MAPKAPK5: variants seen among roughly 807,000 people sequenced by gnomAD.
The protein encoded by MAPKAPK5 is MAPK activated protein kinase 5.
A neutral mutation model predicts 65.1 loss-of-function variants in MAPKAPK5; 30 were observed. That is an observed-to-expected ratio of 0.46 (90% CI 0.34 to 0.63). The LOEUF is 0.63. Ranked by LOEUF, MAPKAPK5 falls within the 20% of genes least tolerant of loss-of-function variation. MAPKAPK5 has a pLI of 0.01. For synonymous variants in MAPKAPK5, 179 were observed against 204.6 expected, an observed-to-expected ratio of 0.87 and a Z score of 1.07; for missense variants, 433 against 581.4, an observed-to-expected ratio of 0.74 and a Z score of 2.63.
rs1325259130 is a variant in MAPKAPK5, at chr12:111,880,369, CATA to C, written c.580-77_580-75del. On this transcript the variant is annotated intron_variant, in intron 7 of 13. Coordinates refer to ENST00000550735, the MANE Select transcript of MAPKAPK5 (RefSeq NM_003668.4). ...GCCAGTTGTTTACCTCCTTCAGTCT[CATA>C]GTAGCCTGTCTCAAGGCAGGTTATC... The C allele has an allele frequency of 1.6e-4, 181 of 1,159,234 alleles. 4 individuals carry two copies. The South Asian group carries it at 2.1e-3, about 13-fold the overall frequency. 71.8% of individuals were successfully genotyped at this position (1,159,234 alleles called of 1,614,324 possible).
In MAPKAPK5 at chr12:111,888,199, A is replaced by G. The variant is rs186728489; in HGVS notation, c.970-289A>G. ...TATGTGCCTCTTTACACTTCCCCTC[A>G]GTAGTGGCTTTGAGTGGGGTTCCTG... On this transcript the variant is annotated intron_variant, in intron 10 of 13. Coordinates refer to ENST00000550735, the MANE Select transcript of MAPKAPK5 (RefSeq NM_003668.4). 3.1e-3 allele frequency: 1,019 copies of G among 331,350 alleles called. 4 individuals carry two copies. Among genetic ancestry groups the G allele is most frequent in the Non-Finnish European group, 4.6e-3 (816 of 175,922 alleles). The allele number at this position is 331,350 out of a possible 1,614,324, so 20.5% of individuals were successfully genotyped here. A position where few individuals can be genotyped will look rare whatever the true frequency, so the allele number is the denominator to read the frequency against.
At chr12:111,880,925 A>G (rs1051879914) in intron 8 of MAPKAPK5, among the ~76,000 whole-genome samples, 1 of 152,192 alleles carries the variant, frequency 6.6e-6, no homozygotes, top group African/African-American at 2.4e-5. Context: ...TTTCTGAGAC[A>G]CAGACGCTAG....
chr12:111,843,015 TGA>T (rs1197181677), intron 1 of MAPKAPK5: 4 of 400,708 alleles, frequency 1.0e-5, no homozygotes, highest in African/African-American at 8.2e-5. Flanking sequence ...GGAACAGAGG[TGA>T]GTGGCCTGGA....
At position 111,870,288 on chromosome 12, in the gene MAPKAPK5, G is replaced by C; in HGVS notation, c.411G>C (p.Arg137=). ...QVTKQIALAL[R]HCHLLNIAHR... ...TTTTTCAGATAGCTTTGGCTCTGCG[G>C]CACTGTCACTTGTTAAACATTGCGC... The change falls in exon 6 of 14, where the codon CGG becomes CGC. Residue 137 remains arginine, a synonymous_variant. Coordinates refer to ENST00000550735, the MANE Select transcript of MAPKAPK5 (RefSeq NM_003668.4). 1 of 1,606,142 alleles carries C rather than the reference G, an allele frequency of 6.2e-7. No individual in the cohort carries two copies. Among genetic ancestry groups the C allele is most frequent in the Non-Finnish European group, 8.5e-7 (1 of 1,173,452 alleles).
intron 13 of MAPKAPK5, among the ~76,000 whole-genome samples, chr12:111,890,884 C>CT (rs2070581466): frequency 1.3e-5 from 2 of 151,826 alleles, no homozygotes; most frequent in African/African-American, 4.8e-5. Context: ...TCTTGAACTC[C>CT]TGGCCTCAAG....
In MAPKAPK5 at chr12:111,870,275, C is replaced by T; in HGVS notation, c.398C>T (p.Ala133Val). 1 of 1,598,826 alleles carries T rather than the reference C, an allele frequency of 6.3e-7. No individual in the cohort carries two copies. ...KQASQVTKQI[A>V]LALRHCHLLN... ...TTTCATTGTGTCTTTTTTCAGATAG[C>T]TTTGGCTCTGCGGCACTGTCACTTG... Residue 133 changes from alanine to valine, a missense_variant, in exon 6 of 14, where the codon GCT (alanine) becomes GTT (valine). By Grantham distance (64) the Ala-to-Val change is moderately conservative. This residue lies in a region of MAPKAPK5 where 165 missense variants were observed against 180.0 expected (regional missense o/e 0.92). Coordinates refer to ENST00000550735, the MANE Select transcript of MAPKAPK5 (RefSeq NM_003668.4).
chr12:111,876,360 C>A (rs2069970690), intron 7 of MAPKAPK5, among the ~76,000 whole-genome samples: 1 of 151,838 alleles, frequency 6.6e-6, no homozygotes, highest in Admixed American at 6.6e-5. Flanking sequence ...TATATAAAAC[C>A]TGGGTGATGA....
intron 3 of MAPKAPK5, 127 bp downstream of exon 3, chr12:111,866,358 T>C (rs2069612496): frequency 1.4e-6 from 1 of 705,368 alleles, no homozygotes; most frequent in South Asian, 1.9e-5. Context: ...ACTTTACCTC[T>C]CTTCCCCATT....
intron 10 of MAPKAPK5, 126 bp from the exon 11 acceptor site, chr12:111,888,362 A>G: frequency 7.5e-7 from 1 of 1,332,456 alleles, no homozygotes; most frequent in Non-Finnish European, 1.0e-6. Context: ...AAATATTTAT[A>G]TTCCTTCAGC....
intron 9 of MAPKAPK5, among the ~76,000 whole-genome samples, chr12:111,884,050 T>C (rs1008055991): frequency 1.3e-5 from 2 of 152,088 alleles, no homozygotes; most frequent in Non-Finnish European, 2.9e-5. Context: ...GACCCTAAAT[T>C]ATAGACCTGG....
At position 111,900,240 on chromosome 12, in the gene MAPKAPK5, C is replaced by T. The variant is rs1212760367; in HGVS notation, c.*7179C>T. ...CGATGTTGCCCACATGATCGTTGGG[C>T]ATCACCCTGGACAGAATATGGGCCA... On this transcript the variant is annotated 3_prime_UTR_variant, in exon 14 of 14. Transcript: ENST00000550735. 2 of 455,858 alleles carry T rather than the reference C, an allele frequency of 4.4e-6. No individual in the cohort carries two copies. Among genetic ancestry groups the T allele is most frequent in the African/African-American group, 2.0e-5 (1 of 50,020 alleles). The allele number at this position is 455,858 out of a possible 1,614,324, so 28.2% of individuals were successfully genotyped here.
At chr12:111,850,927 C>T (rs976104723) in intron 1 of MAPKAPK5, among the ~76,000 whole-genome samples, 1 of 143,990 alleles carries the variant, frequency 6.9e-6, no homozygotes, top group Non-Finnish European at 1.5e-5. Flanking sequence ...TGAGAGGAGT[C>T]TCGCTCTGTG....
intron 1 of MAPKAPK5, among the ~76,000 whole-genome samples, chr12:111,847,171 C>T (rs1266520341): frequency 2.6e-5 from 4 of 151,512 alleles, no homozygotes; most frequent in African/African-American, 9.7e-5. Context: ...GTGAAACCCC[C>T]ATCTCTACTA....
At chr12:111,888,374 TA>T in intron 10 of MAPKAPK5, 113 bp from the exon 11 acceptor site, 1 of 1,396,802 alleles carries the variant, frequency 7.2e-7, no homozygotes, top group Non-Finnish European at 9.7e-7. Flanking sequence ...TCCTTCAGCA[TA>T]AGAGTGAAAT....
At position 111,883,550 on chromosome 12, in the gene MAPKAPK5, T is replaced by C; in HGVS notation, c.661-31T>C. 1.2e-6 allele frequency: 2 copies of C among 1,603,990 alleles called. No individual in the cohort carries two copies. Among genetic ancestry groups the C allele is most frequent in the African/African-American group, 1.3e-5 (1 of 74,742 alleles). On this transcript the variant is annotated intron_variant, in intron 8 of 13. Transcript: ENST00000550735. This position sits in a 1 kb window ranked among gnomAD's most constrained non-coding sequence, Gnocchi z 4.8. ...GTTTATTTGGGGGCTCTGCTTCTGC[T>C]GTGAGTGACCATTTTCTTTTTTGCT...
In MAPKAPK5 at chr12:111,897,907, T is replaced by C. The variant is rs2070875477; in HGVS notation, c.*4846T>C. 1 of 151,600 alleles carries C rather than the reference T, an allele frequency of 6.6e-6. No homozygotes were observed. Among genetic ancestry groups the C allele is most frequent in the Non-Finnish European group, 1.5e-5 (1 of 67,956 alleles). The allele number at this position is 151,600 out of a possible 1,614,324, so 9.4% of individuals were successfully genotyped here. ...GTAAAATTATACAAGATAAAAAATG[T>C]AGAGTTTTATTTTTCTTCATCTAGA... On this transcript the variant is annotated 3_prime_UTR_variant, in exon 14 of 14. Transcript: ENST00000550735.
At chr12:111,843,286 T>C (rs1426796352) in intron 1 of MAPKAPK5, 2 of 398,524 alleles carry the variant, frequency 5.0e-6, no homozygotes, top group Non-Finnish European at 8.8e-6. Context: ...CCCCTTTTTC[T>C]TTTTCCTCTT....
chr12:111,891,181 C>T (rs977934616), intron 13 of MAPKAPK5, among the ~76,000 whole-genome samples: 14 of 151,702 alleles, frequency 9.2e-5, no homozygotes, highest in African/African-American at 3.1e-4. Flanking sequence ...GCAACCTCCC[C>T]GTCCTGGGCT....
At chr12:111,844,175 T>C (rs1449807505) in intron 1 of MAPKAPK5, among the ~76,000 whole-genome samples, 2 of 150,672 alleles carry the variant, frequency 1.3e-5, no homozygotes, top group African/African-American at 4.9e-5. Flanking sequence ...CCTTGACATA[T>C]CCTTCTTTTG....
Sources: gnomAD v4.1 joint callset for allele counts (sites outside exome capture counted in the v4.1 genomes callset) on GRCh38, gnomAD v4.1.1 for gene constraint, gnomAD v4.1.1 regional missense constraint, Gnocchi (gnomAD v3.1) non-coding constraint, MANE v1.5 for transcripts, NCBI Gene and HGNC (gene_info 2026-07-23, HGNC 2026-07-21) for gene names.